Variants in SPPL2B observed in about 807,000 individuals in gnomAD.
The protein encoded by SPPL2B is signal peptide peptidase-like 2B.
Under a neutral mutation model 59.7 loss-of-function variants are expected in SPPL2B, and 39 were observed. The ratio of observed to expected loss-of-function variants is 0.65; its 90% confidence interval spans 0.51 to 0.85. The LOEUF is 0.85. SPPL2B is among the 40% of genes least tolerant of loss of function. The pLI, the probability that SPPL2B is intolerant of heterozygous loss-of-function variation, is 0.00. For missense variants in SPPL2B, 865 were observed against 849.0 expected, an observed-to-expected ratio of 1.02 and a Z score of -0.23; for synonymous variants, 419 against 370.8, an observed-to-expected ratio of 1.13 and a Z score of -1.49.
rs1402477679 is a variant in SPPL2B, at chr19:2,353,418, T to G, written c.*209T>G. 13 of 612,522 alleles carry G rather than the reference T, an allele frequency of 2.1e-5. No individual in the cohort carries two copies. The highest frequency in any genetic ancestry group is 3.6e-5 in the Non-Finnish European group (13 of 362,936). 37.9% of individuals were successfully genotyped at this position (612,522 alleles called of 1,614,324 possible). Reference sequence around the variant, plus strand: ...GCTGCCCCGGCTGCACGCCTGCTGCTCCCAGCTCGCCCGGCTGCCACAAGC... The same window carrying G: ...GCTGCCCCGGCTGCACGCCTGCTGCGCCCAGCTCGCCCGGCTGCCACAAGC... On this transcript the variant is annotated 3_prime_UTR_variant, in exon 15 of 15. Transcript: ENST00000613503.
chr19:2,353,440 A>C lies in SPPL2B; in HGVS notation c.*231A>C. 1.8e-6 allele frequency: 1 copy of C among 568,200 alleles called. No individual in the cohort carries two copies. Among genetic ancestry groups the C allele is most frequent in the Non-Finnish European group, 3.1e-6 (1 of 326,646 alleles). The allele number at this position is 568,200 out of a possible 1,614,324, so 35.2% of individuals were successfully genotyped here. A position where few individuals can be genotyped will look rare whatever the true frequency, so the allele number is the denominator to read the frequency against. On this transcript the variant is annotated 3_prime_UTR_variant, in exon 15 of 15. Transcript: ENST00000613503. ...TGCTCCCAGCTCGCCCGGCTGCCACAAGCTCTCTGCGGGTCCATCCTCCCC... is the reference window on the plus strand; with the variant it reads ...TGCTCCCAGCTCGCCCGGCTGCCACCAGCTCTCTGCGGGTCCATCCTCCCC...
chr19:2,337,790 C>A, intron 3 of SPPL2B, 165 bp downstream of exon 3: 1 of 674,458 alleles, frequency 1.5e-6, no homozygotes, highest in South Asian at 2.2e-5. Flanking sequence ...GGATCCGGGC[C>A]GAGTGTGGCC....
At chr19:2,336,960 G>T (rs752798866) in intron 2 of SPPL2B, among the ~76,000 whole-genome samples, 1 of 150,218 alleles carries the variant, frequency 6.7e-6, no homozygotes. Flanking sequence ...GGCTGTGGAC[G>T]TGTGCTTGTG....
Position 2,353,035 on chromosome 19 carries a change from G to T in SPPL2B, c.1605G>T (p.Pro535=). ...CTGCCACGCCACTCTCCCCGCAGCC[G>T]CCCAGCGAAGAACCAGCCACATCCC... ...KDSATPLSPQ[P]PSEEPATSPW... Residue 535 remains proline (P), a synonymous_variant, in exon 15 of 15, where the codon CCG becomes CCT. Transcript: ENST00000613503. 1 of 1,611,882 alleles carries T rather than the reference G, an allele frequency of 6.2e-7. No homozygotes were observed. Among genetic ancestry groups the T allele is most frequent in the Non-Finnish European group, 8.5e-7 (1 of 1,179,636 alleles).
At chr19:2,343,464 G>T (rs559476748) in intron 9 of SPPL2B, among the ~76,000 whole-genome samples, 172 bp downstream of exon 9, 3 of 152,292 alleles carry the variant, frequency 2.0e-5, no homozygotes, top group Non-Finnish European at 4.4e-5. Context: ...GGGTCCCAAA[G>T]CCCCCGCTGA....
Position 2,334,548 on chromosome 19 carries a change from G to T in SPPL2B, c.67-54G>T. 1.9e-6 allele frequency: 3 copies of T among 1,565,056 alleles called. No individual in the cohort carries two copies. The Admixed American group carries it at 5.8e-5, about 30-fold the overall frequency. ...CCTCGGGCCTGTTTCTCGTGGGGCG[G>T]TGCAGCCCCGCACGTCCCGTGCTGT... On this transcript the variant is annotated intron_variant, in intron 1 of 14. Transcript: ENST00000613503.
rs1242523978 is a variant in SPPL2B at position 2,340,120 on chromosome 19, C to G, written c.787C>G (p.Leu263Val). Residue 263 changes from leucine (L) to valine (V), a missense_variant, in exon 7 of 15, where the codon CTC becomes GTC. By Grantham distance (32) the Leu-to-Val change is conservative. Transcript: ENST00000613503. ...CTTCTGCCTGGCCTCCGCCACCGGC[C>G]TCTACAGCTGCCTGGCGCCCTGTGT... is the stretch of plus-strand genomic sequence containing the variant. The part of the protein sequence containing the change: ...GIFCLASATG[L>V]YSCLAPCVRR... The G allele has an allele frequency of 3.1e-6, 5 of 1,594,410 alleles. No homozygotes were observed. In the East Asian group the frequency reaches 1.1e-4, roughly 36 times the overall value.
intron 7 of SPPL2B, chr19:2,340,438 C>A: frequency 3.2e-6 from 2 of 633,658 alleles, no homozygotes; most frequent in Non-Finnish European, 2.9e-6. Flanking sequence ...GCAGGCCGAA[C>A]CCTGGGTTCC....
chr19:2,346,219 C>G (rs1274513063), intron 13 of SPPL2B, among the ~76,000 whole-genome samples: 1 of 152,252 alleles, frequency 6.6e-6, no homozygotes, highest in Non-Finnish European at 1.5e-5. Context: ...GAGCCACGCC[C>G]CCGACCCTGC....
Position 2,343,211 on chromosome 19 carries a change from GTGGGCC to G in SPPL2B, c.962_967del (p.Ala321_Trp322del). On this transcript the variant is annotated inframe_deletion and splice_region_variant, in exon 9 of 15. Transcript: ENST00000613503. ...GCGAGGATGCTGCTTTGTCTTGCAG[GTGGGCC>G]TGGGTCCTCCAGGATGCCCTGGGCA... 6.4e-7 allele frequency: 1 copy of G among 1,553,790 alleles called. No individual in the cohort carries two copies. The highest frequency in any genetic ancestry group is 8.7e-7 in the Non-Finnish European group (1 of 1,148,360).
chr19:2,349,786 CCA>C (rs756345850), intron 13 of SPPL2B, among the ~76,000 whole-genome samples: 45 of 145,544 alleles, frequency 3.1e-4, no homozygotes, highest in Middle Eastern at 6.9e-3. Flanking sequence ...CGTTCTCTCT[CCA>C]CACACACTCA....
Position 2,342,943 on chromosome 19 carries a change from A to G in SPPL2B, c.957-268A>G, listed in dbSNP as rs1969142910. 4 of 490,562 alleles carry G rather than the reference A, an allele frequency of 8.2e-6. No homozygotes were observed. The Admixed American group carries it at 9.8e-5, about 12-fold the overall frequency. 30.4% of individuals were successfully genotyped at this position (490,562 alleles called of 1,614,324 possible). ...GACGCAGCCGGCCAGGCCTGTGTCC[A>G]CTGTCCTGGCTGCCGAGTGGTGGGC... On this transcript the variant is annotated intron_variant, in intron 8 of 14. Coordinates refer to ENST00000613503, the MANE Select transcript of SPPL2B (RefSeq NM_152988.3).
intron 13 of SPPL2B, among the ~76,000 whole-genome samples, chr19:2,350,111 ACTCGCGCT>A (rs1969821911): frequency 1.6e-5 from 2 of 128,740 alleles, no homozygotes; most frequent in African/African-American, 3.1e-5. Context: ...CTCCACACAC[ACTCGCGCT>A]CTCATTTGCT....
At chr19:2,341,753 C>T (rs931561616) in intron 8 of SPPL2B, 17 of 382,068 alleles carry the variant, frequency 4.4e-5, no homozygotes, top group Non-Finnish European at 9.2e-5. Flanking sequence ...GAAAATGAAT[C>T]TTTTCAGTTA....
chr19:2,345,494 G>A (rs926402407), intron 13 of SPPL2B, among the ~76,000 whole-genome samples, 164 bp downstream of exon 13: 20 of 151,978 alleles, frequency 1.3e-4, no homozygotes, highest in Admixed American at 2.6e-4. Context: ...TGGCCACTCC[G>A]GGAGCTGGGC....
At chr19:2,341,083 C>CTGG in intron 8 of SPPL2B, 69 bp downstream of exon 8, 5 of 1,124,546 alleles carry the variant, frequency 4.4e-6, no homozygotes, top group South Asian at 1.3e-5. Context: ...TCCTGGGGCC[C>CTGG]TGACTCCCTG....
chr19:2,335,997 A>G (rs1199804039), intron 2 of SPPL2B, among the ~76,000 whole-genome samples: 1 of 152,226 alleles, frequency 6.6e-6, no homozygotes. Flanking sequence ...GTGTGTCAAC[A>G]CATGTAATAG....
intron 1 of SPPL2B, among the ~76,000 whole-genome samples, chr19:2,331,271 T>C (rs1968278240): frequency 6.6e-6 from 1 of 152,226 alleles, no homozygotes; most frequent in African/African-American, 2.4e-5. Context: ...ATGTGGATGC[T>C]TTCACAGTCA....
intron 8 of SPPL2B, chr19:2,341,984 G>A (rs984317835): frequency 1.6e-5 from 3 of 190,116 alleles, no homozygotes; most frequent in African/African-American, 2.4e-5. Flanking sequence ...CTGGGTGCTT[G>A]AAGTACGTGG....
Sources: allele counts gnomAD v4.1 joint callset (sites outside exome capture counted in the v4.1 genomes callset), GRCh38; gene constraint gnomAD v4.1.1; transcripts MANE v1.5; gene names NCBI Gene and HGNC (gene_info 2026-07-23, HGNC 2026-07-21).